The following LRFN5 variants were observed in gnomAD, a reference collection of about 807,000 sequenced individuals.
LRFN5 encodes leucine-rich repeat and fibronectin type-III domain-containing protein 5.
A neutral mutation model predicts 45.6 loss-of-function variants in LRFN5; 24 were observed. The ratio of observed to expected loss-of-function variants is 0.53; its 90% CI spans 0.38 to 0.74. The LOEUF (loss-of-function observed/expected upper bound fraction) is 0.74, where lower values mean the gene tolerates loss of function less well. Ranked by LOEUF, LRFN5 falls within the 30% of genes least tolerant of loss-of-function variation. LRFN5 has a pLI of 0.00. For synonymous variants in LRFN5, 340 were observed against 313.8 expected (o/e 1.08, Z -0.88); for missense variants, 776 against 861.5 (o/e 0.90, Z 1.24).
chr14:41,846,307 A>T (rs1300592499), intron 2 of LRFN5, among the ~76,000 whole-genome samples: 3 of 152,116 alleles, frequency 2.0e-5, no homozygotes. Context: ...ATATTTACAA[A>T]ATGAGAAGAA....
At chr14:41,775,969 G>A (rs1161968227) in intron 2 of LRFN5, among the ~76,000 whole-genome samples, 2 of 152,144 alleles carry the variant, frequency 1.3e-5, no homozygotes, top group African/African-American at 2.4e-5. Context: ...TGGGCTTATG[G>A]CCTTCATGGA....
At chr14:41,781,884 T>C (rs1886542212) in intron 2 of LRFN5, among the ~76,000 whole-genome samples, 2 of 152,200 alleles carry the variant, frequency 1.3e-5, no homozygotes, top group South Asian at 4.1e-4. Context: ...TATTGTTACA[T>C]GAGTCCTGAT....
intron 2 of LRFN5, among the ~76,000 whole-genome samples, chr14:41,846,381 A>T (rs1889067219): frequency 6.6e-6 from 1 of 152,196 alleles, no homozygotes; most frequent in African/African-American, 2.4e-5. Flanking sequence ...ATAGAATCAA[A>T]AATACATTTT....
Position 41,893,067 on chromosome 14 carries a change from ATT to A in LRFN5, c.2098+1114_2098+1115del, listed in dbSNP as rs146692875. Reference sequence around the variant, plus strand: ...TCATTGCTCATTAAGCAGATAGTGGATTTTTTTTTTCCCATTTGCACTATAGT... The same window carrying A: ...TCATTGCTCATTAAGCAGATAGTGGATTTTTTTTCCCATTTGCACTATAGT... On this transcript the variant is annotated intron_variant, in intron 4 of 5. Transcript: ENST00000298119. 10 of 963,416 alleles carry A rather than the reference ATT, an allele frequency of 1.0e-5. No individual in the cohort carries two copies. The South Asian group carries it at 2.9e-4, about 28-fold the overall frequency. The allele number at this position is 963,416 out of a possible 1,614,324, so 59.7% of individuals were successfully genotyped here.
chr14:41,773,154 A>T (rs1886150630), intron 2 of LRFN5, among the ~76,000 whole-genome samples: 1 of 152,110 alleles, frequency 6.6e-6, no homozygotes, highest in Non-Finnish European at 1.5e-5. Context: ...AATGGCCCCA[A>T]GTTGTCCCCC....
At chr14:41,889,284 T>C (rs4904978) in intron 3 of LRFN5, among the ~76,000 whole-genome samples, 104,279 of 151,440 alleles carry the variant, frequency 0.69, 36,000 homozygotes, top group Middle Eastern at 0.79. Flanking sequence ...TCCTATCTAG[T>C]CATGTGATCA....
chr14:41,673,199 T>A (rs1361245293), intron 1 of LRFN5, among the ~76,000 whole-genome samples: 1 of 151,712 alleles, frequency 6.6e-6, no homozygotes, highest in Non-Finnish European at 1.5e-5. Context: ...ACCGCCATTG[T>A]CATCATGGCC....
At chr14:41,707,625 T>C (rs1332982443) in intron 1 of LRFN5, among the ~76,000 whole-genome samples, 3 of 152,120 alleles carry the variant, frequency 2.0e-5, no homozygotes, top group Non-Finnish European at 4.4e-5. Flanking sequence ...ACTTTCTCTC[T>C]TAATCTATTT....
chr14:41,678,222 A>G lies in LRFN5; in HGVS notation c.-197+69660A>G, dbSNP rs185079958. On this transcript the variant is annotated intron_variant, in intron 1 of 5. Coordinates refer to ENST00000298119, the MANE Select transcript of LRFN5 (RefSeq NM_152447.5). ...GACTTTTTATAATGTTAAAAAGATCACTCTACCTGGAAGATACATGCATAC... is the reference window on the plus strand; with the variant it reads ...GACTTTTTATAATGTTAAAAAGATCGCTCTACCTGGAAGATACATGCATAC... Among the ~76,000 whole-genome samples, 636 of 152,080 alleles carry G rather than the reference A, an allele frequency of 4.2e-3. 4 individuals are homozygous for G. The highest frequency in any genetic ancestry group is 5.3e-3 in the Non-Finnish European group (360 of 67,960).
intron 1 of LRFN5, among the ~76,000 whole-genome samples, chr14:41,636,920 G>C (rs577215280): frequency 3.3e-5 from 5 of 152,296 alleles, no homozygotes; most frequent in Non-Finnish European, 7.3e-5. Context: ...ACTGCCTTGG[G>C]TTATATACCT....
chr14:41,741,695 G>A (rs996190237), intron 1 of LRFN5, among the ~76,000 whole-genome samples: 1 of 151,412 alleles, frequency 6.6e-6, no homozygotes, highest in South Asian at 2.1e-4. Flanking sequence ...ATAGACAGAG[G>A]ATATTGCATC....
chr14:41,726,171 T>A (rs1883923738), intron 1 of LRFN5, among the ~76,000 whole-genome samples: 1 of 152,286 alleles, frequency 6.6e-6, no homozygotes. Flanking sequence ...AGCTCAAAAG[T>A]ATGATACATA....
intron 2 of LRFN5, among the ~76,000 whole-genome samples, chr14:41,847,693 T>G (rs1889117501): frequency 6.6e-6 from 1 of 152,088 alleles, no homozygotes; most frequent in Admixed American, 6.6e-5. Context: ...AGTTAGTAAT[T>G]GGTGGAGGAA....
At chr14:41,874,331 C>T (rs1345577089) in intron 2 of LRFN5, among the ~76,000 whole-genome samples, 2 of 152,054 alleles carry the variant, frequency 1.3e-5, no homozygotes, top group East Asian at 3.9e-4. Flanking sequence ...ATTCAGATTC[C>T]TCATTAATCA....
chr14:41,766,458 C>T (rs1261110231), intron 1 of LRFN5, among the ~76,000 whole-genome samples: 2 of 152,170 alleles, frequency 1.3e-5, no homozygotes, highest in East Asian at 1.9e-4. Context: ...CAGGTTCATT[C>T]ACTGCCATAT....
chr14:41,795,902 G>A (rs902010652), intron 2 of LRFN5, among the ~76,000 whole-genome samples: 8 of 138,880 alleles, frequency 5.8e-5, no homozygotes, highest in Non-Finnish European at 1.1e-4. Context: ...TTGTGCACAT[G>A]TACCCTAGAA....
At chr14:41,831,181 T>C (rs1224243688) in intron 2 of LRFN5, among the ~76,000 whole-genome samples, 1 of 152,210 alleles carries the variant, frequency 6.6e-6, no homozygotes, top group South Asian at 2.1e-4. Flanking sequence ...CAAAAAAGAA[T>C]ACAAAGAGGA....
At chr14:41,898,109 T>C (rs1315804779) in intron 4 of LRFN5, among the ~76,000 whole-genome samples, 3 of 152,098 alleles carry the variant, frequency 2.0e-5, no homozygotes, top group African/African-American at 7.2e-5. Flanking sequence ...ACATGAATAT[T>C]TGTGCTGAAA....
chr14:41,702,847 T>C (rs973944105), intron 1 of LRFN5, among the ~76,000 whole-genome samples: 2 of 151,928 alleles, frequency 1.3e-5, no homozygotes, highest in African/African-American at 4.8e-5. Flanking sequence ...TTAAACAATA[T>C]ATATTTTCTA....
Sources: allele counts gnomAD v4.1 joint callset (sites outside exome capture counted in the v4.1 genomes callset), GRCh38; gene constraint gnomAD v4.1.1; transcripts MANE v1.5; gene names NCBI Gene and HGNC (gene_info 2026-07-23, HGNC 2026-07-21).